Variants in GALNT18 observed in about 807,000 individuals in gnomAD.
GALNT18 encodes polypeptide N-acetylgalactosaminyltransferase 18.
A neutral mutation model predicts 69.5 loss-of-function variants in GALNT18; 44 were observed. That is an observed-to-expected ratio of 0.63 (90% confidence interval 0.50 to 0.81). The LOEUF (loss-of-function observed/expected upper bound fraction) is 0.81. Ranked by LOEUF, GALNT18 falls within the 40% of genes least tolerant of loss-of-function variation. The pLI, the probability that GALNT18 is intolerant of heterozygous loss-of-function variation, is 0.00. For missense variants in GALNT18, 715 were observed against 810.0 expected (o/e 0.88, Z 1.42); for synonymous variants, 364 against 318.2 (o/e 1.14, Z -1.53).
rs75424437 is a variant in GALNT18, at chr11:11,315,029, A to C, written c.1512+12057T>G. 0.012 allele frequency among the ~76,000 whole-genome samples: 1,633 copies of C among 141,788 alleles called. 24 individuals carry two copies. The highest frequency in any genetic ancestry group is 0.04 in the African/African-American group (1,536 of 38,238). The allele number at this position is 141,788 out of a possible 152,430, so 93.0% of individuals were successfully genotyped here. ...AAGTGTCTAGCAGAGATGGACACATACTAATTATATGTGTGTGTGTGTGTG... is the reference window on the plus strand; with the variant it reads ...AAGTGTCTAGCAGAGATGGACACATCCTAATTATATGTGTGTGTGTGTGTG... On this transcript the variant is annotated intron_variant, in intron 9 of 10. Coordinates refer to ENST00000227756, the MANE Select transcript of GALNT18 (RefSeq NM_198516.3). This position sits in a 1 kb window ranked among gnomAD's most constrained non-coding sequence, Gnocchi z 5.6.
chr11:11,563,095 C>T lies in GALNT18; in HGVS notation c.235+58264G>A, dbSNP rs555360341. Reference sequence around the variant, plus strand: ...CACCCTGCAAACAAGACTCCTCCAGCCCAGGAGGTGACCCCCCACCACACC... The same window carrying T: ...CACCCTGCAAACAAGACTCCTCCAGTCCAGGAGGTGACCCCCCACCACACC... On this transcript the variant is annotated intron_variant, in intron 1 of 10. Coordinates refer to ENST00000227756, the MANE Select transcript of GALNT18 (RefSeq NM_198516.3). The surrounding 1 kb of genome is among the most constrained non-coding windows in gnomAD (Gnocchi z 4.6). Among the ~76,000 whole-genome samples, 1 of 152,294 alleles carries T rather than the reference C, an allele frequency of 6.6e-6. No homozygotes were observed. Among genetic ancestry groups the T allele is most frequent in the Non-Finnish European group, 1.5e-5 (1 of 68,030 alleles).
At chr11:11,517,346 C>A (rs905849948) in intron 1 of GALNT18, among the ~76,000 whole-genome samples, 15 of 152,166 alleles carry the variant, frequency 9.9e-5, no homozygotes, top group African/African-American at 3.6e-4. Context: ...CTCCACCCAC[C>A]CAAACCTACT....
intron 3 of GALNT18, among the ~76,000 whole-genome samples, chr11:11,410,717 T>C (rs1236964878): frequency 6.6e-6 from 1 of 152,190 alleles, no homozygotes; most frequent in Non-Finnish European, 1.5e-5. Context: ...GGAATTTTAG[T>C]TGAACGATGG....
In GALNT18 at chr11:11,523,846, C is replaced by G. The variant is rs925631595; in HGVS notation, c.236-74910G>C. 3.3e-5 allele frequency among the ~76,000 whole-genome samples: 5 copies of G among 152,134 alleles called. No homozygotes were observed. Among genetic ancestry groups the G allele is most frequent in the Non-Finnish European group, 2.9e-5 (2 of 68,008 alleles). ...GAATTAATTAAAGGACACTGGGAAG[C>G]TCATGGAATTGCCAAGAGAGGTAGC... On this transcript the variant is annotated intron_variant, in intron 1 of 10. Transcript: ENST00000227756. The surrounding 1 kb of genome is among the most constrained non-coding windows in gnomAD (Gnocchi z 4.3).
rs1206697935 is a variant in GALNT18 at position 11,372,907 on chromosome 11, C to G, written c.978-278G>C. On this transcript the variant is annotated intron_variant, in intron 5 of 10. Transcript: ENST00000227756. The surrounding 1 kb of genome is among the most constrained non-coding windows in gnomAD (Gnocchi z 4.9). The stretch of plus-strand genomic sequence containing the variant: ...GTTAGCTTTGAGAATTGGTGCTCAG[C>G]CTGCCAGTCTAGGTTGACTGTATCT... Among the ~76,000 whole-genome samples the G allele has an allele frequency of 6.6e-6, 1 of 152,130 alleles. No homozygotes were observed. Among genetic ancestry groups the G allele is most frequent in the Non-Finnish European group, 1.5e-5 (1 of 68,040 alleles).
chr11:11,293,533 C>CTTTTT lies in GALNT18; in HGVS notation c.1513-345_1513-341dup, dbSNP rs34166465. 6.2e-3 allele frequency among the ~76,000 whole-genome samples: 493 copies of CTTTTT among 80,104 alleles called. 24 individuals are homozygous for CTTTTT. Among genetic ancestry groups the CTTTTT allele is most frequent in the Non-Finnish European group, 7.7e-3 (334 of 43,528 alleles). 52.6% of individuals were successfully genotyped at this position (80,104 alleles called of 152,430 possible). On this transcript the variant is annotated intron_variant, in intron 9 of 10. Coordinates refer to ENST00000227756, the MANE Select transcript of GALNT18 (RefSeq NM_198516.3). ...TTCTTCACCCAGTTTACAAACCCCT[C>CTTTTT]TTTTTTTTTTTTTTTTTTTTTTTTG...
In GALNT18 at chr11:11,555,927, C is replaced by T. The variant is rs1299144745; in HGVS notation, c.235+65432G>A. Among the ~76,000 whole-genome samples the T allele has an allele frequency of 2.0e-5, 3 of 152,200 alleles. No individual in the cohort carries two copies. The highest frequency in any genetic ancestry group is 2.1e-4 in the South Asian group (1 of 4,830). ...AGAATGCAGAGCAGGATCATCTGAA[C>T]GTTGATCTGGTTTGCTTTCCCTTAT... On this transcript the variant is annotated intron_variant, in intron 1 of 10. Transcript: ENST00000227756. This position sits in a 1 kb window ranked among gnomAD's most constrained non-coding sequence, Gnocchi z 4.7.
Position 11,463,140 on chromosome 11 carries a change from T to G in GALNT18, c.236-14204A>C, listed in dbSNP as rs1411272645. Among the ~76,000 whole-genome samples, 6 of 151,732 alleles carry G rather than the reference T, an allele frequency of 4.0e-5. No individual in the cohort carries two copies. Among genetic ancestry groups the G allele is most frequent in the African/African-American group, 1.5e-4 (6 of 41,282 alleles). ...TACAGTCTCCCACAAGAGAACAGGG[T>G]TCCTGCTTCCCTCAGTTATCACTGG... On this transcript the variant is annotated intron_variant, in intron 1 of 10. Transcript: ENST00000227756. This position sits in a 1 kb window ranked among gnomAD's most constrained non-coding sequence, Gnocchi z 4.2.
At chr11:11,325,045 T>C (rs770855666) in intron 9 of GALNT18, among the ~76,000 whole-genome samples, 2 of 152,238 alleles carry the variant, frequency 1.3e-5, no homozygotes, top group Non-Finnish European at 2.9e-5. Flanking sequence ...ATGAAAAAGA[T>C]GCATGCACAT....
rs1191789895 is a variant in GALNT18, at chr11:11,372,019, T to C, written c.1092+496A>G. ...CCTGGGATCAGAAAGCAGCCTGCAG[T>C]GAGCCTGGCTGCATCTTGCTGTTTA... On this transcript the variant is annotated intron_variant, in intron 6 of 10. Coordinates refer to ENST00000227756, the MANE Select transcript of GALNT18 (RefSeq NM_198516.3). The surrounding 1 kb of genome is among the most constrained non-coding windows in gnomAD (Gnocchi z 4.9). Among the ~76,000 whole-genome samples, 1 of 152,206 alleles carries C rather than the reference T, an allele frequency of 6.6e-6. No homozygotes were observed. The highest frequency in any genetic ancestry group is 1.9e-4 in the East Asian group (1 of 5,192).
At chr11:11,460,811 G>A (rs1326055945) in intron 1 of GALNT18, among the ~76,000 whole-genome samples, 2 of 152,174 alleles carry the variant, frequency 1.3e-5, no homozygotes, top group Non-Finnish European at 2.9e-5. Flanking sequence ...CAGTTCTATT[G>A]TTAGTTTGTT....
At chr11:11,427,419 G>A (rs1564943526) in intron 3 of GALNT18, among the ~76,000 whole-genome samples, 2 of 152,284 alleles carry the variant, frequency 1.3e-5, no homozygotes, top group South Asian at 4.1e-4. Flanking sequence ...GGGGAGACAC[G>A]AGGCGCCAGC....
At chr11:11,283,277 G>T (rs1849121945) in intron 10 of GALNT18, among the ~76,000 whole-genome samples, 1 of 152,276 alleles carries the variant, frequency 6.6e-6, no homozygotes, top group South Asian at 2.1e-4. Flanking sequence ...TGCCCAAGTA[G>T]CTGGGATTAC....
At position 11,341,024 on chromosome 11, in the gene GALNT18, A is replaced by G; in HGVS notation, c.1093-20T>C. Reference sequence around the variant, plus strand: ...CCACACCTGCAGAAGACATGGAGCCACTTGTCAGAGCCTGCCTGGCTCTGC... The same window carrying G: ...CCACACCTGCAGAAGACATGGAGCCGCTTGTCAGAGCCTGCCTGGCTCTGC... On this transcript the variant is annotated intron_variant, in intron 6 of 10. Transcript: ENST00000227756. The surrounding 1 kb of genome is among the most constrained non-coding windows in gnomAD (Gnocchi z 6.3). The G allele has an allele frequency of 1.3e-6, 2 of 1,577,992 alleles. No homozygotes were observed. Among genetic ancestry groups the G allele is most frequent in the Non-Finnish European group, 8.6e-7 (1 of 1,158,050 alleles).
chr11:11,397,099 C>T (rs951739517), intron 3 of GALNT18, among the ~76,000 whole-genome samples: 8 of 152,098 alleles, frequency 5.3e-5, no homozygotes, highest in African/African-American at 1.9e-4. Flanking sequence ...TAGGAGGTCT[C>T]CAGAGACCAC....
rs1025838019 is a variant in GALNT18, at chr11:11,439,676, G to C, written c.429-6889C>G. Among the ~76,000 whole-genome samples the C allele has an allele frequency of 1.3e-5, 2 of 152,214 alleles. No individual in the cohort carries two copies. The highest frequency in any genetic ancestry group is 2.9e-5 in the Non-Finnish European group (2 of 68,042). ...AATACTGGGTATGAAGTTCAGCACA[G>C]AGTAGAAATTCAGAATGCACCTGGT... is the stretch of plus-strand genomic sequence containing the variant. On this transcript the variant is annotated intron_variant, in intron 2 of 10. Transcript: ENST00000227756. The surrounding 1 kb of genome is among the most constrained non-coding windows in gnomAD (Gnocchi z 4.4).
chr11:11,442,380 C>T (rs543116582), intron 2 of GALNT18, among the ~76,000 whole-genome samples: 1 of 152,306 alleles, frequency 6.6e-6, no homozygotes, highest in African/African-American at 2.4e-5. Flanking sequence ...ATCCCCCTTG[C>T]TATGTAACAT....
intron 3 of GALNT18, among the ~76,000 whole-genome samples, chr11:11,419,618 A>AG (rs1564939260): frequency 6.6e-6 from 1 of 150,628 alleles, no homozygotes. Flanking sequence ...AAAAAAAAAA[A>AG]AAAAGAAAGA....
chr11:11,462,437 C>T (rs987429706), intron 1 of GALNT18, among the ~76,000 whole-genome samples: 8 of 151,894 alleles, frequency 5.3e-5, no homozygotes, highest in Admixed American at 1.3e-4. Flanking sequence ...CCACCACACC[C>T]GGCTAATTTT....
Sources: allele counts gnomAD v4.1 joint callset (sites outside exome capture counted in the v4.1 genomes callset), GRCh38; gene constraint gnomAD v4.1.1; non-coding constraint Gnocchi (gnomAD v3.1); transcripts MANE v1.5; gene names NCBI Gene and HGNC (gene_info 2026-07-23, HGNC 2026-07-21).